The following NOS2 variants were observed in gnomAD, a reference collection of about 807,000 sequenced individuals.
NOS2 encodes nitric oxide synthase, inducible.
NOS2 carries 96 observed loss-of-function variants against 136.0 expected under a neutral mutation model. That is an observed-to-expected ratio of 0.71 (90% confidence interval 0.60 to 0.84). The LOEUF (loss-of-function observed/expected upper bound fraction) is 0.84. Ranked by LOEUF, NOS2 falls within the 40% of genes least tolerant of loss-of-function variation. The pLI, the probability that NOS2 is intolerant of heterozygous loss-of-function variation, is 0.00. For synonymous variants in NOS2, 539 were observed against 587.5 expected, an observed-to-expected ratio of 0.92 and a Z score of 1.20; for missense variants, 1,237 against 1,496.9, an observed-to-expected ratio of 0.83 and a Z score of 2.87.
intron 17 of NOS2, 35 bp downstream of exon 17, chr17:27,768,942 T>C: frequency 6.4e-7 from 1 of 1,555,926 alleles, no homozygotes; most frequent in Non-Finnish European, 8.7e-7. Context: ...CCCTGTCATG[T>C]CCCTGCTGTG....
chr17:27,766,979 C>G (rs1443988885), intron 18 of NOS2, among the ~76,000 whole-genome samples: 3 of 127,620 alleles, frequency 2.4e-5, no homozygotes, highest in African/African-American at 9.2e-5. Flanking sequence ...CCAGCCTGGA[C>G]GACAGACCGA....
intron 1 of NOS2, 106 bp downstream of exon 1, chr17:27,800,233 T>A (rs1362970843): frequency 6.6e-6 from 1 of 152,202 alleles, no homozygotes; most frequent in Non-Finnish European, 1.5e-5. Flanking sequence ...TTCCAACACC[T>A]TCTCTCTGTA....
chr17:27,766,038 T>C (rs991198229), intron 19 of NOS2, among the ~76,000 whole-genome samples: 1 of 152,216 alleles, frequency 6.6e-6, no homozygotes, highest in South Asian at 2.1e-4. Context: ...AAACCTTTCC[T>C]TGTTGCCAGG....
chr17:27,797,509 C>G (rs369635178), intron 2 of NOS2, among the ~76,000 whole-genome samples: 17 of 152,344 alleles, frequency 1.1e-4, no homozygotes, highest in African/African-American at 4.1e-4. Flanking sequence ...TTGCTCATCC[C>G]CAAGCCCATC....
At chr17:27,758,043 C>T (rs545687973) in intron 26 of NOS2, among the ~76,000 whole-genome samples, 42 of 152,326 alleles carry the variant, frequency 2.8e-4, no homozygotes, top group African/African-American at 9.4e-4. Flanking sequence ...CCCAGCGTTC[C>T]CTGGGCTGTT....
At chr17:27,788,772 G>A in intron 4 of NOS2, 37 bp downstream of exon 4, 1 of 1,590,526 alleles carries the variant, frequency 6.3e-7, no homozygotes, top group Non-Finnish European at 8.6e-7. Flanking sequence ...TCACCAGCTT[G>A]GGACAAAGGT....
chr17:27,767,871 TCAG>T (rs762744974), intron 17 of NOS2, 34 bp from the exon 18 acceptor site: 5 of 1,609,336 alleles, frequency 3.1e-6, no homozygotes. Flanking sequence ...CGGTTAATGG[TCAG>T]CAGCAGCAGC....
intron 14 of NOS2, among the ~76,000 whole-genome samples, chr17:27,771,777 G>T (rs1239828383): frequency 6.6e-6 from 1 of 152,242 alleles, no homozygotes; most frequent in Non-Finnish European, 1.5e-5. Context: ...GGAGGGTGGG[G>T]TGTATGCTGG....
chr17:27,785,688 C>T (rs1004995002), intron 5 of NOS2, among the ~76,000 whole-genome samples: 1 of 151,978 alleles, frequency 6.6e-6, no homozygotes, highest in Non-Finnish European at 1.5e-5. Context: ...CCAGGTGCAG[C>T]GGCACACACC....
In NOS2 at chr17:27,764,064, G is replaced by T. The variant is rs528170673; in HGVS notation, c.2509C>A (p.Pro837Thr). ...ALTYFLDITT[P>T]PTQLLLQKLA... ...TTTTGGAGCAGCAGCTGGGTTGGGG[G>T]TGTGGTGATGTCCAGGAAGTAGGTG... Residue 837 changes from proline (P) to threonine (T), a missense_variant, in exon 21 of 27, where the codon CCC (proline) becomes ACC (threonine). Pro to Thr is a conservative substitution (Grantham distance 38, BLOSUM62 -1). Around this residue, in one of 3 missense-constraint regions of NOS2, gnomAD observed 782 missense variants for 909.9 expected, o/e 0.86. Coordinates refer to ENST00000313735, the MANE Select transcript of NOS2 (RefSeq NM_000625.4). 3.7e-6 allele frequency: 6 copies of T among 1,612,974 alleles called. No homozygotes were observed. The highest frequency in any genetic ancestry group is 3.3e-5 in the Admixed American group (2 of 59,878).
In NOS2 at chr17:27,760,195, C is replaced by T; in HGVS notation, c.3011-17G>A. Reference sequence around the variant, plus strand: ...CCCGCACTCCTGCAGGAGTCCCGGGCTGTTGTTACCATGTTGGCCACCAGA... The same window carrying T: ...CCCGCACTCCTGCAGGAGTCCCGGGTTGTTGTTACCATGTTGGCCACCAGA... On this transcript the variant is annotated splice_polypyrimidine_tract_variant and intron_variant, in intron 24 of 26. Transcript: ENST00000313735. The T allele has an allele frequency of 6.5e-7, 1 of 1,530,360 alleles. No homozygotes were observed. Among genetic ancestry groups the T allele is most frequent in the African/African-American group, 1.4e-5 (1 of 72,078 alleles). 94.8% of individuals were successfully genotyped at this position (1,530,360 alleles called of 1,614,324 possible). A position where few individuals can be genotyped will look rare whatever the true frequency, so the allele number is the denominator to read the frequency against.
chr17:27,787,153 G>A (rs1343894780), intron 5 of NOS2, among the ~76,000 whole-genome samples: 2 of 152,198 alleles, frequency 1.3e-5, no homozygotes, highest in African/African-American at 4.8e-5. Context: ...GTGACTTCAG[G>A]TATGTCACCA....
intron 3 of NOS2, 146 bp downstream of exon 3, chr17:27,789,458 C>G (rs1253903255): frequency 1.5e-6 from 1 of 666,022 alleles, no homozygotes; most frequent in African/African-American, 1.8e-5. Flanking sequence ...CACCTGTTCC[C>G]CCCAACACCC....
intron 2 of NOS2, among the ~76,000 whole-genome samples, chr17:27,792,931 G>A (rs188327167): frequency 7.9e-5 from 12 of 151,978 alleles, no homozygotes; most frequent in African/African-American, 2.4e-4. Context: ...TGGAGGCTAC[G>A]GTGAACCGAG....
At chr17:27,758,345 G>C (rs28944209) in intron 26 of NOS2, among the ~76,000 whole-genome samples, 3 of 152,192 alleles carry the variant, frequency 2.0e-5, no homozygotes, top group Admixed American at 2.0e-4. Context: ...CCCTCATAAA[G>C]TCCTCGGCAG....
In NOS2 at chr17:27,789,601, G is replaced by A. The variant is rs1909129016; in HGVS notation, c.195+3C>T. On this transcript the variant is annotated splice_donor_region_variant and intron_variant, in intron 3 of 26. Coordinates refer to ENST00000313735, the MANE Select transcript of NOS2 (RefSeq NM_000625.4). ...GCTTCCCACACCCATGTGACTCACTGACCTTTCCCGTCTCCACGAGGGGCT... is the reference window on the plus strand; with the variant it reads ...GCTTCCCACACCCATGTGACTCACTAACCTTTCCCGTCTCCACGAGGGGCT... 1 of 1,611,484 alleles carries A rather than the reference G, an allele frequency of 6.2e-7. No individual in the cohort carries two copies. The highest frequency in any genetic ancestry group is 1.3e-5 in the African/African-American group (1 of 74,862).
rs746604115 is a variant in NOS2, at chr17:27,762,831, G to A, written c.2767C>T (p.Leu923=). The part of the protein sequence containing the change: ...SRDHTPTEIH[L]TVAVVTYHTR... Reference sequence around the variant, plus strand: ...TGGTAGGTGACCACGGCCACAGTCAGGTGGATCTCTGTGGGCGTGTGATCC... The same window carrying A: ...TGGTAGGTGACCACGGCCACAGTCAAGTGGATCTCTGTGGGCGTGTGATCC... The change falls in exon 22 of 27, where the codon CTG becomes TTG. Residue 923 remains leucine, a synonymous_variant. Coordinates refer to ENST00000313735, the MANE Select transcript of NOS2 (RefSeq NM_000625.4). 1 of 1,558,884 alleles carries A rather than the reference G, an allele frequency of 6.4e-7. No individual in the cohort carries two copies. The highest frequency in any genetic ancestry group is 1.2e-5 in the South Asian group (1 of 84,502).
chr17:27,767,306 A>G (rs1178120480), intron 18 of NOS2, among the ~76,000 whole-genome samples: 1 of 152,248 alleles, frequency 6.6e-6, no homozygotes, highest in African/African-American at 2.4e-5. Context: ...CTGCCTTCGC[A>G]GCTGGAAGGC....
chr17:27,792,313 G>C (rs1411921060), intron 2 of NOS2, among the ~76,000 whole-genome samples: 1 of 152,172 alleles, frequency 6.6e-6, no homozygotes, highest in African/African-American at 2.4e-5. Flanking sequence ...CACCTCGAGG[G>C]AATGTTAGTA....
Sources: gnomAD v4.1 joint callset for allele counts (sites outside exome capture counted in the v4.1 genomes callset) on GRCh38, gnomAD v4.1.1 for gene constraint, gnomAD v4.1.1 regional missense constraint, MANE v1.5 for transcripts, NCBI Gene and HGNC (gene_info 2026-07-23, HGNC 2026-07-21) for gene names.